The following RSRC1 variants were observed in gnomAD, a reference collection of about 807,000 sequenced individuals.
RSRC1 encodes arginine and serine rich coiled-coil 1, also known as serine/Arginine-related protein 53.
In RSRC1, 39 loss-of-function variants were observed where a neutral mutation model predicts 49.1. The observed-to-expected ratio is 0.79, with a 90% CI of 0.61 to 1.04. RSRC1 has a LOEUF of 1.04. RSRC1 is among the 50% of genes least tolerant of loss of function. The pLI, the probability that RSRC1 is intolerant of heterozygous loss-of-function variation, is 0.00. For synonymous variants in RSRC1, 143 were observed against 130.8 expected (o/e 1.09, Z -0.63); for missense variants, 388 against 402.4 (o/e 0.96, Z 0.31).
chr3:158,393,097 TA>T (rs576098805), intron 6 of RSRC1, among the ~76,000 whole-genome samples: 2 of 151,960 alleles, frequency 1.3e-5, no homozygotes, highest in Non-Finnish European at 2.9e-5. Flanking sequence ...AAGGTGGAAA[TA>T]AAAAAATTCT....
intron 4 of RSRC1, among the ~76,000 whole-genome samples, chr3:158,281,624 A>G (rs1203463673): frequency 6.6e-6 from 1 of 152,226 alleles, no homozygotes; most frequent in Admixed American, 6.5e-5. Context: ...ATATTATAGA[A>G]GACAAGTGAG....
chr3:158,337,557 C>T (rs1231767644), intron 5 of RSRC1, among the ~76,000 whole-genome samples: 2 of 152,070 alleles, frequency 1.3e-5, no homozygotes, highest in Admixed American at 1.3e-4. Flanking sequence ...ACAAACTGTC[C>T]AGAATAGGCA....
chr3:158,487,946 C>CAAAAAAAAAAAAAAAAAAAA lies in RSRC1; in HGVS notation c.652+26945_652+26946insAAAAAAAAAAAAAAAAAAAA, dbSNP rs1303656428. ...GCCTAGGAGACAAGAGACTCCATCT[C>CAAAAAAAAAAAAAAAAAAAA]AAGAAAAAAAAAAAAAAAAAAAAAA... is the stretch of plus-strand genomic sequence containing the variant. On this transcript the variant is annotated intron_variant, in intron 7 of 9. Coordinates refer to ENST00000611884, the MANE Select transcript of RSRC1 (RefSeq NM_001271838.2). Among the ~76,000 whole-genome samples, 73 of 11,456 alleles carry CAAAAAAAAAAAAAAAAAAAA rather than the reference C, an allele frequency of 6.4e-3. 7 individuals are homozygous for CAAAAAAAAAAAAAAAAAAAA. Among genetic ancestry groups the CAAAAAAAAAAAAAAAAAAAA allele is most frequent in the South Asian group, 0.03 (7 of 230 alleles). The allele number at this position is 11,456 out of a possible 152,430, so 7.5% of individuals were successfully genotyped here. A position where few individuals can be genotyped will look rare whatever the true frequency, so the allele number is the denominator to read the frequency against.
chr3:158,443,150 C>G (rs1204551063), intron 6 of RSRC1, among the ~76,000 whole-genome samples: 6 of 152,134 alleles, frequency 3.9e-5, no homozygotes. Flanking sequence ...GAGAAATGAG[C>G]CCTGGCTTCA....
chr3:158,496,379 G>T (rs889807939), intron 7 of RSRC1, among the ~76,000 whole-genome samples: 13 of 152,128 alleles, frequency 8.5e-5, no homozygotes, highest in Admixed American at 5.2e-4. Flanking sequence ...AGGGACTAAG[G>T]ATTGCAGTGC....
At chr3:158,384,705 A>T (rs1055539144) in intron 6 of RSRC1, among the ~76,000 whole-genome samples, 6 of 152,152 alleles carry the variant, frequency 3.9e-5, no homozygotes, top group Admixed American at 2.6e-4. Flanking sequence ...AAAGAAATGT[A>T]GCCACTGTCA....
intron 5 of RSRC1, among the ~76,000 whole-genome samples, chr3:158,324,924 G>A (rs777224695): frequency 6.6e-6 from 1 of 152,124 alleles, no homozygotes; most frequent in Non-Finnish European, 1.5e-5. Context: ...GATCGCCATT[G>A]TAACTGGCCT....
intron 4 of RSRC1, among the ~76,000 whole-genome samples, chr3:158,285,805 G>A (rs1045730972): frequency 2.0e-5 from 3 of 152,038 alleles, no homozygotes; most frequent in Non-Finnish European, 4.4e-5. Context: ...GAGACAGTGG[G>A]GTTTTCTAGA....
At position 158,416,966 on chromosome 3, in the gene RSRC1, T is replaced by C. The variant is rs997154268; in HGVS notation, c.584-43969T>C. Among the ~76,000 whole-genome samples the C allele has an allele frequency of 4.6e-5, 7 of 152,168 alleles. No individual in the cohort carries two copies. In the East Asian group the frequency reaches 1.4e-3, roughly 30 times the overall value. On this transcript the variant is annotated intron_variant, in intron 6 of 9. Coordinates refer to ENST00000611884, the MANE Select transcript of RSRC1 (RefSeq NM_001271838.2). ...TAAAACAGAAGAATTTCATCACTTC[T>C]CTTTGAATTCATATATATTTCTTAT...
chr3:158,426,654 T>A (rs1560037899), intron 6 of RSRC1, among the ~76,000 whole-genome samples: 3 of 151,604 alleles, frequency 2.0e-5, no homozygotes. Flanking sequence ...ATATCCTTTT[T>A]AAAAAAAATT....
chr3:158,483,244 G>T (rs1738688298), intron 7 of RSRC1, among the ~76,000 whole-genome samples: 1 of 151,970 alleles, frequency 6.6e-6, no homozygotes, highest in Admixed American at 6.6e-5. Context: ...TCTATTAGTG[G>T]TAGTAATTTT....
chr3:158,376,945 T>G (rs1477726744), intron 6 of RSRC1, among the ~76,000 whole-genome samples: 3 of 152,246 alleles, frequency 2.0e-5, no homozygotes, highest in East Asian at 3.9e-4. Flanking sequence ...TATTCTACAG[T>G]TGGGGGTGTT....
chr3:158,233,025 T>A (rs200808410), intron 4 of RSRC1, among the ~76,000 whole-genome samples: 1 of 23,534 alleles, frequency 4.2e-5, no homozygotes, highest in African/African-American at 2.0e-4. Context: ...AATGAATAAT[T>A]AAAAAACAGA....
At chr3:158,214,522 T>C (rs1721850225) in intron 4 of RSRC1, among the ~76,000 whole-genome samples, 1 of 151,814 alleles carries the variant, frequency 6.6e-6, no homozygotes, top group Non-Finnish European at 1.5e-5. Flanking sequence ...CCTTAGATTA[T>C]TGATTTGTGA....
chr3:158,333,017 G>A (rs1489035203), intron 5 of RSRC1, among the ~76,000 whole-genome samples: 6 of 148,298 alleles, frequency 4.0e-5, no homozygotes, highest in African/African-American at 7.4e-5. Flanking sequence ...CGCCCAGGCC[G>A]GACTGCAGTG....
At chr3:158,509,639 T>G (rs1329695651) in intron 7 of RSRC1, among the ~76,000 whole-genome samples, 2 of 152,162 alleles carry the variant, frequency 1.3e-5, no homozygotes, top group African/African-American at 4.8e-5. Context: ...TATATTAATA[T>G]TTTACAAATT....
chr3:158,443,432 C>G (rs1419267228), intron 6 of RSRC1, among the ~76,000 whole-genome samples: 1 of 152,188 alleles, frequency 6.6e-6, no homozygotes, highest in Non-Finnish European at 1.5e-5. Context: ...AAGATTACTT[C>G]TTTCCTTAAA....
chr3:158,242,745 A>G (rs827175), intron 4 of RSRC1, among the ~76,000 whole-genome samples: 90,624 of 151,650 alleles, frequency 0.6, 27,337 homozygotes, highest in East Asian at 0.73. Context: ...TTAATAAGCT[A>G]TTCTAACTGG....
At chr3:158,531,245 A>G (rs984323181) in intron 7 of RSRC1, among the ~76,000 whole-genome samples, 1 of 151,812 alleles carries the variant, frequency 6.6e-6, no homozygotes, top group Non-Finnish European at 1.5e-5. Context: ...TTTTACTCAC[A>G]GGTGGCAAGG....
Sources: allele counts gnomAD v4.1 joint callset (sites outside exome capture counted in the v4.1 genomes callset), GRCh38; gene constraint gnomAD v4.1.1; transcripts MANE v1.5; gene names NCBI Gene and HGNC (gene_info 2026-07-23, HGNC 2026-07-21).